The following SPOCK3 variants were observed in gnomAD, a reference collection of about 807,000 sequenced individuals.
SPOCK3 encodes testican-3.
SPOCK3 carries 30 observed loss-of-function variants against 56.6 expected under a neutral mutation model. The ratio of observed to expected loss-of-function variants is 0.53; its 90% CI spans 0.40 to 0.72. The LOEUF (loss-of-function observed/expected upper bound fraction) is 0.72, where lower values mean the gene tolerates loss of function less well. Among genes scored for constraint, SPOCK3 ranks in the 30% least tolerant of loss-of-function variants. SPOCK3 has a pLI of 0.00. For missense variants in SPOCK3, 527 were observed against 530.0 expected (o/e 0.99, Z 0.06); for synonymous variants, 196 against 183.3 (o/e 1.07, Z -0.56).
chr4:166,805,443 A>G (rs774336792), intron 6 of SPOCK3, among the ~76,000 whole-genome samples: 1 of 152,106 alleles, frequency 6.6e-6, no homozygotes, highest in Non-Finnish European at 1.5e-5. Context: ...GTGTAAAAAT[A>G]ATAGTCTGAT....
chr4:167,006,671 C>G (rs1414027178), intron 3 of SPOCK3, among the ~76,000 whole-genome samples: 1 of 152,160 alleles, frequency 6.6e-6, no homozygotes, highest in Non-Finnish European at 1.5e-5. Flanking sequence ...AAAGCACTAT[C>G]ATTTTAATGC....
chr4:167,002,192 G>A (rs570919646), intron 3 of SPOCK3, among the ~76,000 whole-genome samples: 84 of 152,046 alleles, frequency 5.5e-4, no homozygotes, highest in South Asian at 2.7e-3. Flanking sequence ...CTCCTGACCC[G>A]AAATGATCCA....
rs76089643 is a variant in SPOCK3 at position 166,878,802 on chromosome 4, A to T, written c.589+10328T>A. ...GCTTCAAAACCTTGCTTTGGTGCTT[A>T]TTAGTTGTGTGACTTTAGACTGGTT... is the stretch of plus-strand genomic sequence containing the variant. On this transcript the variant is annotated intron_variant, in intron 6 of 10. Coordinates refer to ENST00000357545, the MANE Select transcript of SPOCK3 (RefSeq NM_001040159.2). Among the ~76,000 whole-genome samples, 399 of 152,262 alleles carry T rather than the reference A, an allele frequency of 2.6e-3. 9 individuals carry two copies. The East Asian group carries it at 0.06, about 23-fold the overall frequency.
intron 2 of SPOCK3, among the ~76,000 whole-genome samples, chr4:167,115,268 G>A (rs1276867910): frequency 1.3e-5 from 2 of 151,338 alleles, no homozygotes; most frequent in Non-Finnish European, 2.9e-5. Flanking sequence ...TGTGAACCAA[G>A]GCTGTATGTC....
chr4:167,183,326 C>A (rs1044432321), intron 2 of SPOCK3, among the ~76,000 whole-genome samples: 1 of 152,242 alleles, frequency 6.6e-6, no homozygotes, highest in African/African-American at 2.4e-5. Flanking sequence ...ATATAATCTT[C>A]TTTCCAAAAT....
chr4:166,970,505 C>A (rs1745256931), intron 4 of SPOCK3, among the ~76,000 whole-genome samples: 1 of 152,026 alleles, frequency 6.6e-6, no homozygotes, highest in Admixed American at 6.6e-5. Flanking sequence ...GGGTGGATCA[C>A]CTGAATTCAG....
chr4:166,745,690 T>C (rs1299752851), intron 8 of SPOCK3, among the ~76,000 whole-genome samples: 3 of 152,150 alleles, frequency 2.0e-5, no homozygotes, highest in African/African-American at 7.2e-5. Flanking sequence ...AGACACAGAC[T>C]GGCAAGTTGG....
rs185780995 is a variant in SPOCK3, at chr4:167,034,337, A to C, written c.235+28155T>G. ...CCCAAGCTGTATCAAAATAACAAAA[A>C]AAAAAGAAACTGCTGAATAACAAAT... On this transcript the variant is annotated intron_variant, in intron 3 of 10. Transcript: ENST00000357545. 7.2e-3 allele frequency among the ~76,000 whole-genome samples: 1,092 copies of C among 152,166 alleles called. 54 individuals are homozygous for C. The highest frequency in any genetic ancestry group is 0.067 in the Admixed American group (1,020 of 15,274).
chr4:166,954,949 A>G (rs762334166), intron 4 of SPOCK3, among the ~76,000 whole-genome samples: 1 of 152,088 alleles, frequency 6.6e-6, no homozygotes, highest in Non-Finnish European at 1.5e-5. Context: ...ACATAGCATA[A>G]CTTTCTGAGA....
chr4:166,778,197 A>T (rs1231952245), intron 7 of SPOCK3, among the ~76,000 whole-genome samples: 1 of 152,196 alleles, frequency 6.6e-6, no homozygotes, highest in Non-Finnish European at 1.5e-5. Context: ...ACAATAAAAA[A>T]TTCAACATTT....
chr4:167,163,536 C>A (rs1043729833), intron 2 of SPOCK3, among the ~76,000 whole-genome samples: 4 of 151,954 alleles, frequency 2.6e-5, no homozygotes, highest in South Asian at 2.1e-4. Flanking sequence ...ATTCATCTAA[C>A]TATGTTTTTG....
rs1467499994 is a variant in SPOCK3, at chr4:167,222,514, ATATAT to A, written c.189+11466_189+11470del. Among the ~76,000 whole-genome samples the A allele has an allele frequency of 2.7e-5, 4 of 146,732 alleles. No homozygotes were observed. The East Asian group carries it at 5.9e-4, about 22-fold the overall frequency. Reference sequence around the variant, plus strand: ...TTACATATGAATATATGAATATATAATATATAACATGTATGTTATAGATTCATATA... The same window carrying A: ...TTACATATGAATATATGAATATATAAAACATGTATGTTATAGATTCATATA... On this transcript the variant is annotated intron_variant, in intron 2 of 10. Transcript: ENST00000357545.
intron 6 of SPOCK3, among the ~76,000 whole-genome samples, chr4:166,875,580 C>T (rs1732987639): frequency 6.6e-6 from 1 of 152,118 alleles, no homozygotes; most frequent in Admixed American, 6.5e-5. Context: ...ACCATACCCA[C>T]ACCCTCTTTA....
chr4:166,852,297 A>T (rs1021085638), intron 6 of SPOCK3, among the ~76,000 whole-genome samples: 1 of 151,790 alleles, frequency 6.6e-6, no homozygotes, highest in Non-Finnish European at 1.5e-5. Context: ...TAAAGTATAA[A>T]AATAATAATA....
chr4:167,184,710 CTGAGTA>C, intron 2 of SPOCK3, among the ~76,000 whole-genome samples: 1 of 152,270 alleles, frequency 6.6e-6, no homozygotes, highest in Non-Finnish European at 1.5e-5. Context: ...CAGCTTTCCT[CTGAGTA>C]TAAGAACAGT....
At chr4:166,740,138 C>T (rs1201920380) in intron 9 of SPOCK3, among the ~76,000 whole-genome samples, 4 of 152,064 alleles carry the variant, frequency 2.6e-5, no homozygotes, top group African/African-American at 9.7e-5. Context: ...AGAATATTCT[C>T]TTTTCCTTTC....
chr4:166,831,133 G>A (rs954650317), intron 6 of SPOCK3, among the ~76,000 whole-genome samples: 8 of 152,044 alleles, frequency 5.3e-5, no homozygotes, highest in Admixed American at 5.2e-4. Flanking sequence ...CTGAAAAATT[G>A]GGGGAGAAAT....
rs1411213061 is a variant in SPOCK3, at chr4:167,206,946, G to A, written c.189+27039C>T. Among the ~76,000 whole-genome samples, 8 of 151,918 alleles carry A rather than the reference G, an allele frequency of 5.3e-5. No individual in the cohort carries two copies. In the East Asian group the frequency reaches 1.5e-3, roughly 29 times the overall value. On this transcript the variant is annotated intron_variant, in intron 2 of 10. Transcript: ENST00000357545. ...ACTGTAGGATGACTATAGCTAGAAG[G>A]ACATGGAATGTTCCCAACACAAAAA...
chr4:166,743,403 C>A (rs779910064), intron 8 of SPOCK3, among the ~76,000 whole-genome samples: 1 of 151,870 alleles, frequency 6.6e-6, no homozygotes, highest in East Asian at 1.9e-4. Context: ...TTAACATATA[C>A]ATTGTAGTTT....
Sources: allele counts gnomAD v4.1 joint callset (sites outside exome capture counted in the v4.1 genomes callset), GRCh38; gene constraint gnomAD v4.1.1; transcripts MANE v1.5; gene names NCBI Gene and HGNC (gene_info 2026-07-23, HGNC 2026-07-21).